Variants in HIKESHI observed in about 807,000 individuals in gnomAD.
The protein encoded by HIKESHI is protein Hikeshi.
In HIKESHI, 13 loss-of-function variants were observed where a neutral mutation model predicts 25.7. That is an observed-to-expected ratio of 0.51 (90% CI 0.33 to 0.80). HIKESHI has a LOEUF of 0.80. HIKESHI is among the 30% of genes least tolerant of loss of function. HIKESHI has a pLI of 0.02. For missense variants in HIKESHI, 174 were observed against 229.5 expected (o/e 0.76, Z 1.56); for synonymous variants, 76 against 78.7 (o/e 0.97, Z 0.18).
chr11:86,307,491 G>A (rs1946668582), intron 2 of HIKESHI, among the ~76,000 whole-genome samples: 1 of 138,194 alleles, frequency 7.2e-6, no homozygotes, highest in South Asian at 2.3e-4. Flanking sequence ...TATATATTAT[G>A]TGTAGTATAC....
chr11:86,307,815 TTA>T (rs1414641583), intron 2 of HIKESHI, among the ~76,000 whole-genome samples: 1 of 119,052 alleles, frequency 8.4e-6, no homozygotes, highest in African/African-American at 3.5e-5. Context: ...AAAATATATA[TTA>T]TGTGTAATAT....
At chr11:86,344,504 C>T in intron 3 of HIKESHI, 99 bp from the exon 4 acceptor site, 1 of 749,912 alleles carries the variant, frequency 1.3e-6, no homozygotes, top group East Asian at 2.8e-5. Flanking sequence ...ACTGACACTC[C>T]CTATAAACAA....
intron 1 of HIKESHI, 150 bp downstream of exon 1, chr11:86,302,628 G>GCAAAGGAGAGCACCC: frequency 2.4e-6 from 2 of 830,698 alleles, no homozygotes; most frequent in Non-Finnish European, 1.9e-6. Flanking sequence ...GGGAAGCTGG[G>GCAAAGGAGAGCACCC]TGCTCTCCTT....
chr11:86,314,862 C>T (rs541454484), intron 2 of HIKESHI, among the ~76,000 whole-genome samples: 3 of 152,068 alleles, frequency 2.0e-5, no homozygotes, highest in Non-Finnish European at 4.4e-5. Context: ...TTAGAAATGC[C>T]GATTCCTGGC....
intron 2 of HIKESHI, among the ~76,000 whole-genome samples, chr11:86,310,672 C>T (rs1198423710): frequency 5.3e-5 from 8 of 152,102 alleles, no homozygotes; most frequent in Admixed American, 5.2e-4. Context: ...CAGTTTTTGC[C>T]CATTCAGTAT....
At chr11:86,322,790 CTG>C (rs56676555) in intron 2 of HIKESHI, among the ~76,000 whole-genome samples, 9,015 of 152,162 alleles carry the variant, frequency 0.059, 322 homozygotes, top group Middle Eastern at 0.12. Context: ...TGCAAGGAAT[CTG>C]TCAAAAAAAT....
chr11:86,324,814 A>G (rs1292991962), intron 2 of HIKESHI, among the ~76,000 whole-genome samples: 1 of 152,170 alleles, frequency 6.6e-6, no homozygotes, highest in African/African-American at 2.4e-5. Context: ...GAATTTATTA[A>G]GTAATAAGTC....
intron 3 of HIKESHI, chr11:86,343,961 T>G (rs554142062): frequency 1.3e-5 from 2 of 152,208 alleles, no homozygotes; most frequent in Non-Finnish European, 2.9e-5. Flanking sequence ...CCAAGGAGAC[T>G]TGGAGTATGT....
At chr11:86,328,081 C>G (rs2847472) in intron 2 of HIKESHI, among the ~76,000 whole-genome samples, 1 of 151,948 alleles carries the variant, frequency 6.6e-6, no homozygotes, top group Non-Finnish European at 1.5e-5. Flanking sequence ...GAATGAAAGG[C>G]CCTAAAATAA....
At chr11:86,331,106 G>A (rs1947411451) in intron 2 of HIKESHI, among the ~76,000 whole-genome samples, 1 of 152,104 alleles carries the variant, frequency 6.6e-6, no homozygotes, top group African/African-American at 2.4e-5. Flanking sequence ...CAAATGCATG[G>A]TAGTACCTTG....
chr11:86,331,511 A>G lies in HIKESHI; in HGVS notation c.269-5868A>G, dbSNP rs914839634. On this transcript the variant is annotated intron_variant, in intron 2 of 4. Coordinates refer to ENST00000278483, the MANE Select transcript of HIKESHI (RefSeq NM_016401.4). The stretch of plus-strand genomic sequence containing the variant: ...CTCAAAAAGAAAAGAAATTACCCAG[A>G]TAATGAAACCAGTTCAGAATGGTTA... 3.9e-5 allele frequency among the ~76,000 whole-genome samples: 6 copies of G among 152,306 alleles called. No homozygotes were observed. The East Asian group carries it at 1.2e-3, about 29-fold the overall frequency.
At chr11:86,320,051 T>C (rs1254610954) in intron 2 of HIKESHI, among the ~76,000 whole-genome samples, 2 of 152,224 alleles carry the variant, frequency 1.3e-5, no homozygotes, top group Non-Finnish European at 2.9e-5. Context: ...GCTTCATTCT[T>C]TCTCTTTATG....
At chr11:86,326,582 A>T (rs1947288310) in intron 2 of HIKESHI, 1 of 456,120 alleles carries the variant, frequency 2.2e-6, no homozygotes, top group South Asian at 1.5e-5. Context: ...TAAATATCAC[A>T]CCAAGACATT....
chr11:86,320,912 C>T (rs1301699633), intron 2 of HIKESHI, among the ~76,000 whole-genome samples: 4 of 151,928 alleles, frequency 2.6e-5, no homozygotes, highest in Middle Eastern at 3.2e-3. Flanking sequence ...CATGTTATGT[C>T]GATCCTTTTG....
At chr11:86,329,189 TAAAAAAAA>T (rs5793197) in intron 2 of HIKESHI, among the ~76,000 whole-genome samples, 6 of 147,372 alleles carry the variant, frequency 4.1e-5, no homozygotes, top group African/African-American at 1.2e-4. Flanking sequence ...CGTGATGAGT[TAAAAAAAA>T]AAAAGCTTTC....
intron 2 of HIKESHI, among the ~76,000 whole-genome samples, chr11:86,311,014 T>TA: frequency 6.6e-6 from 1 of 152,348 alleles, no homozygotes; most frequent in African/African-American, 2.4e-5. Context: ...GTTATTGGTC[T>TA]AAAATTCTCT....
intron 2 of HIKESHI, among the ~76,000 whole-genome samples, chr11:86,322,451 G>T (rs190148130): frequency 6.6e-6 from 1 of 152,224 alleles, no homozygotes; most frequent in East Asian, 1.9e-4. Context: ...ATGTGTGTGT[G>T]TGTGTATATA....
intron 2 of HIKESHI, among the ~76,000 whole-genome samples, chr11:86,335,743 A>G (rs1368755217): frequency 1.3e-5 from 2 of 152,228 alleles, no homozygotes; most frequent in African/African-American, 4.8e-5. Flanking sequence ...AGACTTTACA[A>G]AATTAGTTCA....
At chr11:86,340,263 C>A (rs1270300861) in intron 3 of HIKESHI, among the ~76,000 whole-genome samples, 1 of 152,176 alleles carries the variant, frequency 6.6e-6, no homozygotes, top group Non-Finnish European at 1.5e-5. Flanking sequence ...TGGGTATATA[C>A]CCAGTAATGG....
Sources: allele counts gnomAD v4.1 joint callset (sites outside exome capture counted in the v4.1 genomes callset), GRCh38; gene constraint gnomAD v4.1.1; transcripts MANE v1.5; gene names NCBI Gene and HGNC (gene_info 2026-07-23, HGNC 2026-07-21).